Variants in TDRD10 observed in about 807,000 individuals in gnomAD.
The protein encoded by TDRD10 is tudor domain containing 10.
Under a neutral mutation model 48.0 loss-of-function variants are expected in TDRD10, and 40 were observed. The ratio of observed to expected loss-of-function variants is 0.83; its 90% CI spans 0.65 to 1.09. TDRD10 has a LOEUF of 1.09. TDRD10 is among the 50% of genes least tolerant of loss of function. The pLI is 0.00. For synonymous variants in TDRD10, 162 were observed against 170.4 expected (o/e 0.95, Z 0.38); for missense variants, 378 against 434.7 (o/e 0.87, Z 1.16).
At chr1:154,516,498 G>T (rs941273634) in intron 4 of TDRD10, among the ~76,000 whole-genome samples, 1 of 152,136 alleles carries the variant, frequency 6.6e-6, no homozygotes, top group Admixed American at 6.5e-5. Flanking sequence ...GTTCTCTGCT[G>T]AATAGAAAGG....
At chr1:154,517,418 A>G (rs896999789) in intron 4 of TDRD10, among the ~76,000 whole-genome samples, 2 of 144,140 alleles carry the variant, frequency 1.4e-5, no homozygotes, top group Admixed American at 6.9e-5. Flanking sequence ...CTGATATTAG[A>G]CCTTTTTTTT....
chr1:154,543,854 T>G, intron 8 of TDRD10, 109 bp from the exon 9 acceptor site: 1 of 1,488,856 alleles, frequency 6.7e-7, no homozygotes, highest in Non-Finnish European at 9.1e-7. Context: ...CTTAGGGGAC[T>G]CATCCCCCAG....
At chr1:154,506,128 ATAT>A (rs1311816166) in intron 1 of TDRD10, among the ~76,000 whole-genome samples, 1 of 152,222 alleles carries the variant, frequency 6.6e-6, no homozygotes, top group Non-Finnish European at 1.5e-5. Context: ...AACAACGCAA[ATAT>A]TATCCCATAG....
intron 6 of TDRD10, among the ~76,000 whole-genome samples, chr1:154,533,102 A>C (rs1346988235): frequency 6.6e-6 from 1 of 152,116 alleles, no homozygotes; most frequent in Non-Finnish European, 1.5e-5. Context: ...TTTATTGGGT[A>C]GGGGATGAAA....
In TDRD10 at chr1:154,541,916, AG is replaced by A. The variant is rs1170859716; in HGVS notation, c.370-104del. 7.2e-6 allele frequency: 8 copies of A among 1,108,232 alleles called. 1 individual carries two copies. The highest frequency in any genetic ancestry group is 2.2e-5 in the Admixed American group (1 of 46,484). The allele number at this position is 1,108,232 out of a possible 1,614,324, so 68.6% of individuals were successfully genotyped here. ...TCAGCTCTAAAGTCGGAGTCAGAAC[AG>A]GGGCTGCCGATGCTCTGTCTCCCAG... On this transcript the variant is annotated intron_variant, in intron 6 of 12. Transcript: ENST00000368482.
intron 6 of TDRD10, among the ~76,000 whole-genome samples, chr1:154,530,866 A>ATT (rs112779412): frequency 2.9e-5 from 4 of 137,636 alleles, no homozygotes; most frequent in East Asian, 2.1e-4. Flanking sequence ...TTCAGTTTAA[A>ATT]TTTTTTTTTT....
chr1:154,547,362 C>T, intron 11 of TDRD10, 47 bp from the exon 12 acceptor site: 2 of 1,610,736 alleles, frequency 1.2e-6, no homozygotes, highest in Non-Finnish European at 1.7e-6. Context: ...GCTCCTCCTG[C>T]CCAACCCCGT....
In TDRD10 at chr1:154,521,469, G is replaced by A. The variant is rs774038549; in HGVS notation, c.359G>A (p.Arg120Gln). 3.1e-6 allele frequency: 5 copies of A among 1,613,576 alleles called. No homozygotes were observed. The highest frequency in any genetic ancestry group is 2.2e-5 in the South Asian group (2 of 91,030). The change falls in exon 6 of 13, where the codon CGG becomes CAG. Residue 120 changes from arginine to glutamine, a missense_variant. Coordinates refer to ENST00000368482, the MANE Select transcript of TDRD10 (RefSeq NM_182499.4). ...ACCCCTGATATGATCCAGCAGCCTC[G>A]GGCCCCGCTGGTATGTCTTCTGGCC... ...KRTPDMIQQP[R>Q]APLVLEKASG...
At position 154,507,272 on chromosome 1, in the gene TDRD10, GAT is replaced by G. The variant is rs1476204260; in HGVS notation, c.36_37del (p.Asp12GlufsTer35). On this transcript the variant is annotated frameshift_variant, in exon 3 of 13. Transcript: ENST00000368482. LOFTEE classifies it high-confidence loss of function. ...GAACATTAGTCACCCCCAACTCTCT[GAT>G]AAACTGTTTGGGAAGAATGGAGTGT... ...SWNISHPQLS[D>X]KLFGKNGVLE... 4 of 1,614,000 alleles carry G rather than the reference GAT, an allele frequency of 2.5e-6. No homozygotes were observed. The highest frequency in any genetic ancestry group is 3.4e-6 in the Non-Finnish European group (4 of 1,180,044).
intron 6 of TDRD10, among the ~76,000 whole-genome samples, chr1:154,536,986 C>G (rs1010045667): frequency 3.7e-4 from 56 of 152,264 alleles, no homozygotes; most frequent in African/African-American, 1.3e-3. Flanking sequence ...TCTGGCAGTC[C>G]GGGGAAGAGA....
intron 1 of TDRD10, among the ~76,000 whole-genome samples, chr1:154,506,087 C>T (rs577979001): frequency 1.4e-3 from 211 of 152,314 alleles, no homozygotes; most frequent in African/African-American, 4.7e-3. Flanking sequence ...GATTTGCTTT[C>T]ATAACAAAAT....
intron 6 of TDRD10, among the ~76,000 whole-genome samples, chr1:154,523,149 G>A (rs984107827): frequency 1.6e-4 from 25 of 152,048 alleles, no homozygotes; most frequent in African/African-American, 6.0e-4. Context: ...CAAATGATCC[G>A]TCCACCTCAG....
intron 6 of TDRD10, among the ~76,000 whole-genome samples, chr1:154,522,361 A>G (rs1057142655): frequency 1.3e-5 from 2 of 152,166 alleles, no homozygotes; most frequent in African/African-American, 2.4e-5. Flanking sequence ...ATGTAGTTTT[A>G]AAAGATAGAC....
At chr1:154,504,080 TTC>T (rs1016475641) in intron 1 of TDRD10, among the ~76,000 whole-genome samples, 2 of 152,216 alleles carry the variant, frequency 1.3e-5, no homozygotes, top group African/African-American at 4.8e-5. Context: ...CTAATCTACT[TTC>T]TGTCTATATA....
At chr1:154,525,061 G>A (rs574203466) in intron 6 of TDRD10, among the ~76,000 whole-genome samples, 1 of 152,292 alleles carries the variant, frequency 6.6e-6, no homozygotes, top group Non-Finnish European at 1.5e-5. Flanking sequence ...AATGCCCCCA[G>A]GCAGAAGGTC....
At position 154,547,730 on chromosome 1, in the gene TDRD10, T is replaced by C. The variant is rs1465812025; in HGVS notation, c.*20T>C. On this transcript the variant is annotated 3_prime_UTR_variant, in exon 13 of 13. Transcript: ENST00000368482. ...AAATAACGGGGCTTCCCTCAGCATGTTCCCTCTCCTGTTTGCCACGGATCC... is the reference window on the plus strand; with the variant it reads ...AAATAACGGGGCTTCCCTCAGCATGCTCCCTCTCCTGTTTGCCACGGATCC... 1 of 1,612,696 alleles carries C rather than the reference T, an allele frequency of 6.2e-7. No individual in the cohort carries two copies. The highest frequency in any genetic ancestry group is 8.5e-7 in the Non-Finnish European group (1 of 1,179,860).
chr1:154,532,262 G>A (rs958015214), intron 6 of TDRD10, among the ~76,000 whole-genome samples: 1 of 152,222 alleles, frequency 6.6e-6, no homozygotes, highest in Non-Finnish European at 1.5e-5. Context: ...AAGGCCTGGT[G>A]AGAAATCAAG....
Position 154,520,292 on chromosome 1 carries a change from C to T in TDRD10, c.142-12C>T. 6.2e-7 allele frequency: 1 copy of T among 1,606,446 alleles called. No individual in the cohort carries two copies. The highest frequency in any genetic ancestry group is 8.5e-7 in the Non-Finnish European group (1 of 1,173,084). ...TCTCTGGGTCTCTCTCTTTTAAACC[C>T]TGCTGTTGTAGGAGGAAATTCTGTA... On this transcript the variant is annotated splice_polypyrimidine_tract_variant and intron_variant, in intron 4 of 12. Transcript: ENST00000368482.
chr1:154,531,602 G>A (rs1446971788), intron 6 of TDRD10, among the ~76,000 whole-genome samples: 2 of 152,188 alleles, frequency 1.3e-5, no homozygotes, highest in Admixed American at 6.5e-5. Context: ...GACCTTCGGG[G>A]TGAGTGTTAC....
Sources: gnomAD v4.1 joint callset for allele counts (sites outside exome capture counted in the v4.1 genomes callset) on GRCh38, gnomAD v4.1.1 for gene constraint, MANE v1.5 for transcripts, NCBI Gene and HGNC (gene_info 2026-07-23, HGNC 2026-07-21) for gene names.